MYO16: variants seen among roughly 807,000 people sequenced by gnomAD.
MYO16 encodes the protein unconventional myosin-XVI.
In MYO16, 94 loss-of-function variants were observed where a neutral mutation model predicts 205.3. The ratio of observed to expected loss-of-function variants is 0.46; its 90% confidence interval spans 0.39 to 0.54. The LOEUF (loss-of-function observed/expected upper bound fraction) is 0.54, where lower values mean the gene tolerates loss of function less well. Ranked by LOEUF, MYO16 falls within the 20% of genes least tolerant of loss-of-function variation. The pLI, the probability that MYO16 is intolerant of heterozygous loss-of-function variation, is 0.00. For missense variants in MYO16, 2,315 were observed against 2,387.5 expected, an observed-to-expected ratio of 0.97 and a Z score of 0.63; for synonymous variants, 988 against 954.0, an observed-to-expected ratio of 1.04 and a Z score of -0.66.
At chr13:108,820,994 T>C (rs925381552) in intron 8 of MYO16, among the ~76,000 whole-genome samples, 13 of 152,116 alleles carry the variant, frequency 8.5e-5, no homozygotes, top group Admixed American at 3.3e-4. Context: ...AAATGGATGC[T>C]ACATTAATTT....
At chr13:108,843,485 C>T (rs1373362789) in intron 9 of MYO16, among the ~76,000 whole-genome samples, 2 of 137,116 alleles carry the variant, frequency 1.5e-5, no homozygotes, top group Non-Finnish European at 3.1e-5. Flanking sequence ...GTAAACTAGA[C>T]CTCAAACAAA....
intron 9 of MYO16, among the ~76,000 whole-genome samples, chr13:108,840,870 AG>A (rs1308384164): frequency 5.3e-5 from 8 of 152,254 alleles, no homozygotes; most frequent in African/African-American, 1.7e-4. Context: ...TCATTCTGAA[AG>A]CTAAAACATA....
At chr13:108,896,558 T>C (rs1239651819) in intron 14 of MYO16, among the ~76,000 whole-genome samples, 1 of 152,216 alleles carries the variant, frequency 6.6e-6, no homozygotes, top group Non-Finnish European at 1.5e-5. Flanking sequence ...TATCACAACT[T>C]GTAGCATTTT....
chr13:108,912,439 G>A (rs1881310091), intron 16 of MYO16, among the ~76,000 whole-genome samples: 1 of 152,136 alleles, frequency 6.6e-6, no homozygotes, highest in East Asian at 1.9e-4. Flanking sequence ...TTAAAGTATG[G>A]TAACCCAGGC....
chr13:108,777,247 C>T (rs565965828), intron 4 of MYO16, among the ~76,000 whole-genome samples: 63 of 152,078 alleles, frequency 4.1e-4, no homozygotes, highest in African/African-American at 1.1e-3. Flanking sequence ...TAGAAAGGCA[C>T]GACATAGGTA....
intron 4 of MYO16, among the ~76,000 whole-genome samples, chr13:108,730,894 C>A (rs556116144): frequency 2.6e-5 from 4 of 152,316 alleles, no homozygotes; most frequent in Admixed American, 2.0e-4. Context: ...TTCTTTGATA[C>A]ATGCCCGCAT....
At chr13:109,082,199 T>C (rs543332115) in intron 27 of MYO16, among the ~76,000 whole-genome samples, 6 of 152,296 alleles carry the variant, frequency 3.9e-5, no homozygotes, top group African/African-American at 1.4e-4. Flanking sequence ...TCAGCATACC[T>C]AGTCTCTATT....
the MYO16 span, among the ~76,000 whole-genome samples, chr13:108,538,363 T>TC: frequency 6.6e-6 from 1 of 152,026 alleles, no homozygotes; most frequent in Non-Finnish European, 1.5e-5. Flanking sequence ...GGAAAACCAA[T>TC]GTTAAACAAG....
intron 9 of MYO16, among the ~76,000 whole-genome samples, chr13:108,828,329 G>A (rs72654003): frequency 0.015 from 2,324 of 152,250 alleles, 36 homozygotes; most frequent in Admixed American, 0.034. Context: ...GGTGAGGCCC[G>A]GTGGTGTGGT....
intron 5 of MYO16, among the ~76,000 whole-genome samples, chr13:108,791,425 TTTA>T (rs1215272088): frequency 1.3e-5 from 2 of 152,222 alleles, no homozygotes; most frequent in African/African-American, 4.8e-5. Context: ...ACAGATCACT[TTTA>T]TTTAGTGCTT....
At chr13:108,624,378 C>T (rs371089806) in intron 1 of MYO16, among the ~76,000 whole-genome samples, 99 of 152,240 alleles carry the variant, frequency 6.5e-4, no homozygotes, top group African/African-American at 2.3e-3. Context: ...TTCCCTCAAA[C>T]TGATTGAAGA....
intron 12 of MYO16, among the ~76,000 whole-genome samples, chr13:108,881,459 G>T (rs1228118316): frequency 6.6e-6 from 1 of 152,220 alleles, no homozygotes; most frequent in Non-Finnish European, 1.5e-5. Context: ...CGAGTTGAGA[G>T]AAGAAGGCTT....
At chr13:108,553,005 CTTTTTTTTTTTTTTTTTTT>C in the MYO16 span, among the ~76,000 whole-genome samples, 5 of 64,910 alleles carry the variant, frequency 7.7e-5, no homozygotes, top group African/African-American at 2.0e-4. Flanking sequence ...CTTTAATACT[CTTTTTTTTTTTTTTTTTTT>C]TTTTTTTTTT....
chr13:109,164,743 T>TGC (rs1878559174), intron 32 of MYO16, among the ~76,000 whole-genome samples, 158 bp from the exon 33 acceptor site: 1 of 152,328 alleles, frequency 6.6e-6, no homozygotes, highest in Admixed American at 6.5e-5. Flanking sequence ...CAAAATTTGG[T>TGC]GAATATTATA....
At chr13:108,586,399 C>A in the MYO16 span, among the ~76,000 whole-genome samples, 1 of 151,224 alleles carries the variant, frequency 6.6e-6, no homozygotes, top group Non-Finnish European at 1.5e-5. Flanking sequence ...ATATTAAATT[C>A]AAAAAAAATA....
intron 16 of MYO16, among the ~76,000 whole-genome samples, chr13:108,918,301 C>A (rs117730093): frequency 6.6e-6 from 1 of 152,164 alleles, no homozygotes; most frequent in Non-Finnish European, 1.5e-5. Flanking sequence ...ACATAATAAA[C>A]ACATAAATAA....
chr13:109,187,311 A>G (rs532074931), intron 34 of MYO16, among the ~76,000 whole-genome samples: 25 of 152,094 alleles, frequency 1.6e-4, no homozygotes, highest in Middle Eastern at 3.4e-3. Context: ...TATCAATTCT[A>G]TTGATTTTTT....
chr13:108,980,863 T>A (rs763389202), intron 20 of MYO16, among the ~76,000 whole-genome samples: 3 of 152,194 alleles, frequency 2.0e-5, no homozygotes, highest in African/African-American at 4.8e-5. Flanking sequence ...ACAGTTTACA[T>A]TGACATTAGC....
chr13:108,528,267 G>A, the MYO16 span, among the ~76,000 whole-genome samples: 1 of 152,042 alleles, frequency 6.6e-6, no homozygotes, highest in African/African-American at 2.4e-5. Flanking sequence ...TTAGCTGAAG[G>A]ACAAAATCTC....
Sources: gnomAD v4.1 joint callset for allele counts (sites outside exome capture counted in the v4.1 genomes callset) on GRCh38, gnomAD v4.1.1 for gene constraint, MANE v1.5 for transcripts, NCBI Gene and HGNC (gene_info 2026-07-23, HGNC 2026-07-21) for gene names.